GALNTL6: variants seen among roughly 807,000 people sequenced by gnomAD.
The protein encoded by GALNTL6 is polypeptide N-acetylgalactosaminyltransferase-like 6.
GALNTL6 carries 46 observed loss-of-function variants against 73.7 expected under a neutral mutation model. The observed-to-expected ratio is 0.62, with a 90% confidence interval of 0.49 to 0.80. The LOEUF is 0.80. GALNTL6 is among the 30% of genes least tolerant of loss of function. GALNTL6 has a pLI of 0.00. For synonymous variants in GALNTL6, 259 were observed against 263.7 expected (o/e 0.98, Z 0.17); for missense variants, 604 against 755.0 (o/e 0.80, Z 2.34).
chr4:172,010,451 C>T (rs895379337), intron 2 of GALNTL6, among the ~76,000 whole-genome samples: 2 of 152,052 alleles, frequency 1.3e-5, no homozygotes, highest in African/African-American at 4.8e-5. Flanking sequence ...AATAAAGTTA[C>T]AGCCAAAATG....
chr4:171,959,233 G>A (rs942945202), intron 2 of GALNTL6, among the ~76,000 whole-genome samples: 1 of 151,516 alleles, frequency 6.6e-6, no homozygotes, highest in African/African-American at 2.4e-5. Flanking sequence ...ATTTTTTTTT[G>A]AAAACAATAT....
intron 2 of GALNTL6, among the ~76,000 whole-genome samples, chr4:172,172,445 C>T (rs1734860619): frequency 6.6e-6 from 1 of 152,136 alleles, no homozygotes. Flanking sequence ...GATCTGCCTG[C>T]CTTGGCCTCC....
chr4:172,346,914 T>C (rs1461357568), intron 4 of GALNTL6, among the ~76,000 whole-genome samples: 2 of 152,122 alleles, frequency 1.3e-5, no homozygotes. Context: ...TGTCTACCCT[T>C]TCTCTGATTG....
chr4:171,911,563 A>C (rs1391890205), intron 2 of GALNTL6, among the ~76,000 whole-genome samples: 1 of 152,206 alleles, frequency 6.6e-6, no homozygotes, highest in African/African-American at 2.4e-5. Flanking sequence ...AAAAGCATTA[A>C]GTTAAGCACA....
intron 2 of GALNTL6, among the ~76,000 whole-genome samples, chr4:171,938,103 CT>C (rs1225292283): frequency 2.6e-5 from 4 of 151,768 alleles, no homozygotes; most frequent in East Asian, 3.9e-4. Context: ...TGGATTTTTT[CT>C]TTTTTTTAAG....
chr4:172,450,632 G>T (rs1295611948), intron 5 of GALNTL6, among the ~76,000 whole-genome samples: 1 of 152,198 alleles, frequency 6.6e-6, no homozygotes, highest in Non-Finnish European at 1.5e-5. Context: ...TTGCCTGTGA[G>T]TTCCTTGTGT....
At chr4:172,016,787 C>T (rs964531782) in intron 2 of GALNTL6, among the ~76,000 whole-genome samples, 2 of 151,692 alleles carry the variant, frequency 1.3e-5, no homozygotes, top group Non-Finnish European at 2.9e-5. Flanking sequence ...AAGGATCAGA[C>T]TTTGATGTTT....
At chr4:171,907,221 G>A (rs954600356) in intron 2 of GALNTL6, among the ~76,000 whole-genome samples, 1 of 152,134 alleles carries the variant, frequency 6.6e-6, no homozygotes, top group African/African-American at 2.4e-5. Flanking sequence ...GTTTGCAGAT[G>A]ACATGATTGT....
rs540190869 is a variant in GALNTL6, at chr4:172,421,238, T to C, written c.553+72549T>C. ...GTCAGAGCTCTGATACTGTATAATATTGAATACATTTGCCTCTAAATTTGT... is the reference window on the plus strand; with the variant it reads ...GTCAGAGCTCTGATACTGTATAATACTGAATACATTTGCCTCTAAATTTGT... On this transcript the variant is annotated intron_variant, in intron 5 of 12. Coordinates refer to ENST00000506823, the MANE Select transcript of GALNTL6 (RefSeq NM_001034845.3). Among the ~76,000 whole-genome samples the C allele has an allele frequency of 3.0e-4, 45 of 152,222 alleles. No homozygotes were observed. The South Asian group carries it at 8.9e-3, about 30-fold the overall frequency.
chr4:172,776,279 T>C (rs530365728), intron 5 of GALNTL6, among the ~76,000 whole-genome samples: 2 of 152,352 alleles, frequency 1.3e-5, no homozygotes, highest in Admixed American at 6.5e-5. Context: ...TTCACTCCTC[T>C]GCTCCTGCCA....
chr4:172,834,501 G>A (rs1170208855), intron 7 of GALNTL6, among the ~76,000 whole-genome samples: 1 of 152,222 alleles, frequency 6.6e-6, no homozygotes, highest in Non-Finnish European at 1.5e-5. Context: ...CACCAAGCTT[G>A]CAATGTCTTT....
At chr4:171,885,319 A>G (rs1309666987) in intron 2 of GALNTL6, among the ~76,000 whole-genome samples, 2 of 151,998 alleles carry the variant, frequency 1.3e-5, no homozygotes, top group Non-Finnish European at 2.9e-5. Flanking sequence ...TTTTTCCATC[A>G]TACTTTGTTG....
In GALNTL6 at chr4:172,885,136, A is replaced by G. The variant is rs74607237; in HGVS notation, c.1041+2229A>G. On this transcript the variant is annotated intron_variant, in intron 8 of 12. Transcript: ENST00000506823. ...TTTCTTGTTCCCTACAAATTTTTGGATATTTTTTCCGTTTCTGTGAAGAAT... is the reference window on the plus strand; with the variant it reads ...TTTCTTGTTCCCTACAAATTTTTGGGTATTTTTTCCGTTTCTGTGAAGAAT... Among the ~76,000 whole-genome samples the G allele has an allele frequency of 5.8e-3, 881 of 152,132 alleles. 7 individuals carry two copies. The highest frequency in any genetic ancestry group is 0.02 in the African/African-American group (826 of 41,530).
At chr4:172,101,871 G>A (rs1732529679) in intron 2 of GALNTL6, among the ~76,000 whole-genome samples, 1 of 151,624 alleles carries the variant, frequency 6.6e-6, no homozygotes, top group Non-Finnish European at 1.5e-5. Context: ...TTTAAAGTGA[G>A]TTGAAATAAG....
intron 5 of GALNTL6, among the ~76,000 whole-genome samples, chr4:172,706,564 T>C (rs1734367511): frequency 6.6e-6 from 1 of 152,174 alleles, no homozygotes; most frequent in Non-Finnish European, 1.5e-5. Flanking sequence ...TATTCTAGTC[T>C]TTGCTTTTGC....
chr4:172,276,870 TA>T (rs1738850916), intron 3 of GALNTL6, among the ~76,000 whole-genome samples: 1 of 152,172 alleles, frequency 6.6e-6, no homozygotes, highest in African/African-American at 2.4e-5. Context: ...AAATATAGAT[TA>T]TTTTTAAAAA....
intron 2 of GALNTL6, among the ~76,000 whole-genome samples, chr4:172,125,832 C>A (rs924098878): frequency 2.0e-5 from 3 of 149,070 alleles, no homozygotes; most frequent in Non-Finnish European, 4.4e-5. Flanking sequence ...ACTGGTTCCT[C>A]TCCATCATGT....
intron 2 of GALNTL6, among the ~76,000 whole-genome samples, chr4:172,184,872 C>T (rs1356154486): frequency 6.6e-6 from 1 of 152,162 alleles, no homozygotes; most frequent in Non-Finnish European, 1.5e-5. Context: ...CCGAACTGCC[C>T]CTTTTAAAGT....
Position 172,245,451 on chromosome 4 carries a change from C to T in GALNTL6, c.247+15687C>T, listed in dbSNP as rs145654125. 2.7e-3 allele frequency among the ~76,000 whole-genome samples: 415 copies of T among 152,230 alleles called. 3 individuals carry two copies. Among genetic ancestry groups the T allele is most frequent in the African/African-American group, 9.1e-3 (378 of 41,560 alleles). ...TACTAATGTAGCATGTATATCAACA[C>T]GTTCTCAGAAGAAGAGTAAGAACTA... On this transcript the variant is annotated intron_variant, in intron 3 of 12. Coordinates refer to ENST00000506823, the MANE Select transcript of GALNTL6 (RefSeq NM_001034845.3).
Sources: gnomAD v4.1 joint callset for allele counts (sites outside exome capture counted in the v4.1 genomes callset) on GRCh38, gnomAD v4.1.1 for gene constraint, MANE v1.5 for transcripts, NCBI Gene and HGNC (gene_info 2026-07-23, HGNC 2026-07-21) for gene names.